Variants in NRXN1 observed in about 807,000 individuals in gnomAD.
NRXN1 encodes the protein neurexin-1.
NRXN1 carries 39 observed loss-of-function variants against 150.9 expected under a neutral mutation model. The ratio of observed to expected loss-of-function variants is 0.26; its 90% CI spans 0.20 to 0.34. NRXN1 has a LOEUF of 0.34. NRXN1 is among the 10% of genes least tolerant of loss of function. NRXN1 has a pLI of 1.00. For synonymous variants in NRXN1, 924 were observed against 757.0 expected (o/e 1.22, Z -3.62); for missense variants, 1,815 against 1,949.9 (o/e 0.93, Z 1.30).
intron 21 of NRXN1, among the ~76,000 whole-genome samples, chr2:50,040,892 T>A (rs1049630738): frequency 1.3e-5 from 2 of 152,146 alleles, no homozygotes; most frequent in Non-Finnish European, 2.9e-5. Context: ...ACACTTTAAG[T>A]TTTAGGGTAC....
chr2:50,870,409 C>T (rs182263029), intron 5 of NRXN1, among the ~76,000 whole-genome samples: 16 of 151,972 alleles, frequency 1.1e-4, no homozygotes, highest in East Asian at 3.9e-4. Flanking sequence ...GGGATCCCCC[C>T]GCCTCAGCCT....
At chr2:50,861,438 G>C (rs1676116296) in intron 5 of NRXN1, among the ~76,000 whole-genome samples, 1 of 152,052 alleles carries the variant, frequency 6.6e-6, no homozygotes, top group Non-Finnish European at 1.5e-5. Context: ...ATTCAAATTG[G>C]TCAAGGATTT....
chr2:50,840,284 A>G (rs1410945504), intron 5 of NRXN1, among the ~76,000 whole-genome samples: 1 of 152,168 alleles, frequency 6.6e-6, no homozygotes, highest in Admixed American at 6.6e-5. Context: ...TTTGCCATCA[A>G]TCTCAAAACC....
intron 5 of NRXN1, among the ~76,000 whole-genome samples, chr2:50,768,766 C>T (rs754156677): frequency 4.6e-5 from 7 of 152,014 alleles, no homozygotes; most frequent in Non-Finnish European, 7.4e-5. Context: ...AGTTCATACC[C>T]TTAGTAAAAT....
At chr2:50,510,961 T>C (rs1279002477) in intron 12 of NRXN1, among the ~76,000 whole-genome samples, 2 of 151,974 alleles carry the variant, frequency 1.3e-5, no homozygotes, top group Non-Finnish European at 2.9e-5. Context: ...CATCTACAAA[T>C]AAGAAACATG....
In NRXN1 at chr2:50,498,590, C is replaced by A. The variant is rs569199320; in HGVS notation, c.2498-876G>T. On this transcript the variant is annotated intron_variant, in intron 13 of 22. Transcript: ENST00000401669. The stretch of plus-strand genomic sequence containing the variant: ...CAGTCCTCATTTCTCTCTATCCCTG[C>A]ATATTTCCCTGTCAAACCCATTAAT... 2.8e-4 allele frequency among the ~76,000 whole-genome samples: 43 copies of A among 152,290 alleles called. No individual in the cohort carries two copies. In the East Asian group the frequency reaches 8.1e-3, roughly 29 times the overall value.
chr2:50,380,350 A>G (rs1301951217), intron 17 of NRXN1, among the ~76,000 whole-genome samples: 1 of 151,912 alleles, frequency 6.6e-6, no homozygotes, highest in Non-Finnish European at 1.5e-5. Flanking sequence ...TCTGCTGATT[A>G]TACTATATAA....
chr2:50,152,398 T>A (rs550095613), intron 18 of NRXN1, among the ~76,000 whole-genome samples: 173 of 151,904 alleles, frequency 1.1e-3, no homozygotes, highest in African/African-American at 4.1e-3. Flanking sequence ...AAAGGCTGAA[T>A]AATGTTCCAT....
intron 21 of NRXN1, among the ~76,000 whole-genome samples, chr2:49,983,330 T>G (rs996802483): frequency 6.6e-6 from 1 of 152,096 alleles, no homozygotes; most frequent in African/African-American, 2.4e-5. Context: ...GTTAAGCAAA[T>G]GAGGAATAAA....
intron 5 of NRXN1, among the ~76,000 whole-genome samples, chr2:50,853,701 T>A (rs1317746798): frequency 6.6e-6 from 1 of 152,110 alleles, no homozygotes; most frequent in East Asian, 1.9e-4. Flanking sequence ...ACCATGCATA[T>A]CCCTTACTGG....
chr2:50,508,907 A>G (rs1404697240), intron 12 of NRXN1, among the ~76,000 whole-genome samples: 2 of 152,172 alleles, frequency 1.3e-5, no homozygotes, highest in Non-Finnish European at 2.9e-5. Flanking sequence ...CTTCAACACA[A>G]TGTTACCCAT....
intron 17 of NRXN1, among the ~76,000 whole-genome samples, chr2:50,394,047 T>TA (rs2081907536): frequency 6.6e-6 from 1 of 152,150 alleles, no homozygotes; most frequent in Admixed American, 6.6e-5. Flanking sequence ...TGTCACACGC[T>TA]AGTTCTATTT....
At chr2:50,138,897 C>A (rs539877608) in intron 18 of NRXN1, among the ~76,000 whole-genome samples, 1 of 152,214 alleles carries the variant, frequency 6.6e-6, no homozygotes, top group East Asian at 1.9e-4. Context: ...GCCATAAAAC[C>A]CTGATTTGAA....
At chr2:50,099,697 C>T (rs747732084) in intron 18 of NRXN1, among the ~76,000 whole-genome samples, 60 of 152,168 alleles carry the variant, frequency 3.9e-4, no homozygotes, top group African/African-American at 1.3e-3. Flanking sequence ...ATAGACATTT[C>T]GGTTTTGCTA....
chr2:50,818,642 C>T (rs1468821988), intron 5 of NRXN1, among the ~76,000 whole-genome samples: 1 of 151,514 alleles, frequency 6.6e-6, no homozygotes, highest in Non-Finnish European at 1.5e-5. Flanking sequence ...AATACGACAC[C>T]AAAAGTACAG....
intron 19 of NRXN1, among the ~76,000 whole-genome samples, chr2:50,087,571 A>G (rs1698966547): frequency 6.6e-6 from 1 of 152,122 alleles, no homozygotes; most frequent in African/African-American, 2.4e-5. Flanking sequence ...GAGATTAATG[A>G]TGCATTATAT....
chr2:50,907,824 G>A (rs6740920), intron 5 of NRXN1, among the ~76,000 whole-genome samples: 13,191 of 152,066 alleles, frequency 0.087, 643 homozygotes, highest in South Asian at 0.12. Flanking sequence ...TACCCCAGTG[G>A]GATCCATGCC....
intron 5 of NRXN1, among the ~76,000 whole-genome samples, chr2:50,627,163 T>A (rs756041036): frequency 2.0e-5 from 3 of 151,860 alleles, no homozygotes; most frequent in Non-Finnish European, 4.4e-5. Flanking sequence ...ATTGACCAAC[T>A]GTAATAAGTT....
chr2:50,537,501 T>A (rs1007717743), intron 10 of NRXN1, among the ~76,000 whole-genome samples: 3 of 152,154 alleles, frequency 2.0e-5, no homozygotes, highest in Admixed American at 6.6e-5. Flanking sequence ...TTTCTTTGAA[T>A]CCTCATTCCT....
Sources: gnomAD v4.1 joint callset for allele counts (sites outside exome capture counted in the v4.1 genomes callset) on GRCh38, gnomAD v4.1.1 for gene constraint, MANE v1.5 for transcripts, NCBI Gene and HGNC (gene_info 2026-07-23, HGNC 2026-07-21) for gene names.